The following SPOCK1 variants were observed in gnomAD, a reference collection of about 807,000 sequenced individuals.
SPOCK1 encodes testican-1.
A neutral mutation model predicts 55.3 loss-of-function variants in SPOCK1; 23 were observed. That is an observed-to-expected ratio of 0.42 (90% CI 0.30 to 0.59). SPOCK1 has a LOEUF of 0.59. Among genes scored for constraint, SPOCK1 ranks in the 20% least tolerant of loss-of-function variants. The pLI, the probability that SPOCK1 is intolerant of heterozygous loss-of-function variation, is 0.22. For missense variants in SPOCK1, 499 were observed against 552.5 expected, an observed-to-expected ratio of 0.90 and a Z score of 0.97; for synonymous variants, 226 against 221.0, an observed-to-expected ratio of 1.02 and a Z score of -0.20.
chr5:137,164,888 C>T (rs1210898230), intron 3 of SPOCK1, among the ~76,000 whole-genome samples: 1 of 152,196 alleles, frequency 6.6e-6, no homozygotes, highest in African/African-American at 2.4e-5. Context: ...TGACTGCCAA[C>T]TCAGATGCAG....
At chr5:137,458,668 G>GT (rs139727020) in intron 2 of SPOCK1, among the ~76,000 whole-genome samples, 13 of 151,796 alleles carry the variant, frequency 8.6e-5, no homozygotes, top group East Asian at 1.9e-4. Context: ...TTGTTTGTTC[G>GT]TTTTTTTTAG....
intron 4 of SPOCK1, among the ~76,000 whole-genome samples, chr5:137,127,391 G>C (rs10078794): frequency 0.23 from 35,071 of 152,176 alleles, 4,434 homozygotes; most frequent in Non-Finnish European, 0.28. Flanking sequence ...GCAAGAACCA[G>C]AGACACTGTA....
At chr5:137,160,818 C>A (rs1014988608) in intron 3 of SPOCK1, among the ~76,000 whole-genome samples, 27 of 142,248 alleles carry the variant, frequency 1.9e-4, no homozygotes, top group African/African-American at 6.7e-4. Context: ...TGTACAGATT[C>A]CTAAAAGAGC....
chr5:137,270,879 G>A (rs866470490), intron 2 of SPOCK1, among the ~76,000 whole-genome samples: 20 of 152,164 alleles, frequency 1.3e-4, no homozygotes, highest in African/African-American at 3.1e-4. Flanking sequence ...GCACATGCCT[G>A]TAGTCCCAGC....
chr5:137,353,697 T>C (rs1750730234), intron 2 of SPOCK1, among the ~76,000 whole-genome samples: 1 of 152,144 alleles, frequency 6.6e-6, no homozygotes, highest in South Asian at 2.1e-4. Context: ...GGGACTGCAG[T>C]GATATACAAA....
At chr5:137,060,596 A>G (rs533399854) in intron 6 of SPOCK1, among the ~76,000 whole-genome samples, 45 of 151,466 alleles carry the variant, frequency 3.0e-4, no homozygotes, top group Non-Finnish European at 5.2e-4. Context: ...CTAAAACTAA[A>G]AGTTAAAATA....
chr5:137,440,500 TTA>T (rs1203296991), intron 2 of SPOCK1, among the ~76,000 whole-genome samples: 1 of 152,196 alleles, frequency 6.6e-6, no homozygotes, highest in Non-Finnish European at 1.5e-5. Flanking sequence ...TGAAATCTGA[TTA>T]TGTCAAGGGT....
chr5:137,131,989 A>AAATAT lies in SPOCK1; in HGVS notation c.347+8590_347+8591insATATT, dbSNP rs1391176339. ...TCCGTCTCAAAAAAAAAAAAAAAAAAATATATATATATATATATATATATA... is the reference window on the plus strand; with the variant it reads ...TCCGTCTCAAAAAAAAAAAAAAAAAAAATATATATATATATATATATATATATATA... On this transcript the variant is annotated intron_variant, in intron 4 of 10. Coordinates refer to ENST00000394945, the MANE Select transcript of SPOCK1 (RefSeq NM_004598.4). Among the ~76,000 whole-genome samples, 70 of 36,052 alleles carry AAATAT rather than the reference A, an allele frequency of 1.9e-3. 7 individuals carry two copies. Among genetic ancestry groups the AAATAT allele is most frequent in the African/African-American group, 0.012 (63 of 5,410 alleles). The allele number at this position is 36,052 out of a possible 152,430, so 23.7% of individuals were successfully genotyped here.
intron 2 of SPOCK1, among the ~76,000 whole-genome samples, chr5:137,406,154 G>A (rs958185363): frequency 1.3e-5 from 2 of 152,156 alleles, no homozygotes; most frequent in African/African-American, 4.8e-5. Flanking sequence ...ACCACTAACA[G>A]ATACTTATAG....
rs1202689627 is a variant in SPOCK1, at chr5:137,251,976, G to A, written c.232+15034C>T. Among the ~76,000 whole-genome samples, 5 of 150,302 alleles carry A rather than the reference G, an allele frequency of 3.3e-5. No individual in the cohort carries two copies. In the Middle Eastern group the frequency reaches 0.01, roughly 307 times the overall value. ...GCTCTGTTGCCCAGGCTGGAGTGCA[G>A]TGGTGCAATCTCAAGCTCAGCTCAC... On this transcript the variant is annotated intron_variant, in intron 3 of 10. Coordinates refer to ENST00000394945, the MANE Select transcript of SPOCK1 (RefSeq NM_004598.4).
intron 4 of SPOCK1, among the ~76,000 whole-genome samples, chr5:137,133,248 TAGTCCC>T (rs1397331266): frequency 1.3e-5 from 2 of 151,708 alleles, no homozygotes; most frequent in African/African-American, 4.9e-5. Flanking sequence ...CATGCACCTG[TAGTCCC>T]AGCTACTCGG....
At chr5:137,115,887 A>G (rs1753568119) in intron 4 of SPOCK1, among the ~76,000 whole-genome samples, 2 of 152,222 alleles carry the variant, frequency 1.3e-5, no homozygotes, top group Admixed American at 1.3e-4. Context: ...TAACTAACCC[A>G]GTCAAGGCAA....
At chr5:137,319,926 T>C (rs1228734407) in intron 2 of SPOCK1, among the ~76,000 whole-genome samples, 6 of 117,778 alleles carry the variant, frequency 5.1e-5, no homozygotes, top group Non-Finnish European at 3.2e-5. Flanking sequence ...CAGTCCGGCC[T>C]GGGCGACAGA....
intron 2 of SPOCK1, among the ~76,000 whole-genome samples, chr5:137,323,061 A>G (rs979553601): frequency 6.6e-6 from 1 of 152,142 alleles, no homozygotes. Context: ...CTCATGGCCT[A>G]ATCACCTCTC....
At chr5:137,072,245 A>C (rs1024179724) in intron 5 of SPOCK1, among the ~76,000 whole-genome samples, 2 of 152,264 alleles carry the variant, frequency 1.3e-5, no homozygotes, top group African/African-American at 4.8e-5. Flanking sequence ...ATGATGAAGC[A>C]GTCAAATAAA....
chr5:137,261,289 T>C (rs1283254265), intron 3 of SPOCK1, among the ~76,000 whole-genome samples: 2 of 152,218 alleles, frequency 1.3e-5, no homozygotes, highest in African/African-American at 4.8e-5. Flanking sequence ...ATGGAAGATT[T>C]TTAGAAATAA....
At chr5:137,210,596 C>T (rs1755592565) in intron 3 of SPOCK1, among the ~76,000 whole-genome samples, 1 of 152,112 alleles carries the variant, frequency 6.6e-6, no homozygotes, top group Non-Finnish European at 1.5e-5. Flanking sequence ...AGGTCAGATA[C>T]ACGGTCTGGG....
chr5:137,398,110 G>A lies in SPOCK1; in HGVS notation c.186+100263C>T, dbSNP rs537975566. Among the ~76,000 whole-genome samples, 17 of 152,096 alleles carry A rather than the reference G, an allele frequency of 1.1e-4. No homozygotes were observed. In the East Asian group the frequency reaches 1.2e-3, roughly 10 times the overall value. On this transcript the variant is annotated intron_variant, in intron 2 of 10. Coordinates refer to ENST00000394945, the MANE Select transcript of SPOCK1 (RefSeq NM_004598.4). Reference sequence around the variant, plus strand: ...CATACAGGAGGCTGCCAACACCACCGACACCTGAGCCCATTCCACTGGCCC... The same window carrying A: ...CATACAGGAGGCTGCCAACACCACCAACACCTGAGCCCATTCCACTGGCCC...
intron 2 of SPOCK1, among the ~76,000 whole-genome samples, chr5:137,470,796 A>G (rs1342839080): frequency 6.6e-6 from 1 of 152,188 alleles, no homozygotes; most frequent in Non-Finnish European, 1.5e-5. Flanking sequence ...CTCCAGTACT[A>G]AAAGGGAGAA....
Sources: gnomAD v4.1 joint callset for allele counts (sites outside exome capture counted in the v4.1 genomes callset) on GRCh38, gnomAD v4.1.1 for gene constraint, MANE v1.5 for transcripts, NCBI Gene and HGNC (gene_info 2026-07-23, HGNC 2026-07-21) for gene names.